The following CLIC5 variants were observed in gnomAD, a reference collection of about 807,000 sequenced individuals.
CLIC5 encodes chloride intracellular channel protein 5.
CLIC5 carries 20 observed loss-of-function variants against 24.7 expected under a neutral mutation model. The observed-to-expected ratio is 0.81, with a 90% CI of 0.57 to 1.18. CLIC5 has a LOEUF of 1.18. Among genes scored for constraint, CLIC5 ranks in the 50% most tolerant of loss-of-function variants. The pLI is 0.00. For synonymous variants in CLIC5, 159 were observed against 135.6 expected (o/e 1.17, Z -1.20); for missense variants, 341 against 326.1 (o/e 1.05, Z -0.35).
chr6:45,903,063 C>T lies in CLIC5; in HGVS notation c.*25G>A, dbSNP rs375247542. 41 of 1,613,216 alleles carry T rather than the reference C, an allele frequency of 2.5e-5. No individual in the cohort carries two copies. The highest frequency in any genetic ancestry group is 1.8e-4 in the East Asian group (8 of 44,856). ...GGGGAGTGGTTGAGTCCTTCTGCAG[C>T]GGGGATGGGGCAAAATGGCTGTGCT... is the stretch of plus-strand genomic sequence containing the variant. On this transcript the variant is annotated 3_prime_UTR_variant, in exon 6 of 6. Coordinates refer to ENST00000339561, the MANE Select transcript of CLIC5 (RefSeq NM_016929.5).
chr6:45,955,857 A>AC (rs1292699104), intron 1 of CLIC5, among the ~76,000 whole-genome samples: 13 of 152,048 alleles, frequency 8.5e-5, no homozygotes, highest in African/African-American at 2.4e-4. Context: ...AGTTCTGGCT[A>AC]GTACTTGGCC....
In CLIC5 at chr6:45,905,480, C is replaced by CT. The variant is rs36089623; in HGVS notation, c.589-2226dup. Among the ~76,000 whole-genome samples the CT allele has an allele frequency of 3.8e-3, 476 of 125,252 alleles. 4 individuals carry two copies. Among genetic ancestry groups the CT allele is most frequent in the African/African-American group, 0.01 (340 of 33,094 alleles). 82.2% of individuals were successfully genotyped at this position (125,252 alleles called of 152,430 possible). A position where few individuals can be genotyped will look rare whatever the true frequency, so the allele number is the denominator to read the frequency against. ...TTCTCTGGTGACTGGTGATACTGAG[C>CT]TTTTTTTTTTTTTTTTTAATGTTTG... On this transcript the variant is annotated intron_variant, in intron 5 of 5. Coordinates refer to ENST00000339561, the MANE Select transcript of CLIC5 (RefSeq NM_016929.5).
intron 1 of CLIC5, among the ~76,000 whole-genome samples, chr6:46,021,059 T>G (rs1489753064): frequency 7.7e-6 from 1 of 129,120 alleles, no homozygotes; most frequent in East Asian, 2.3e-4. Context: ...AGGACTTGTA[T>G]CCAGGATTTG....
chr6:46,061,482 C>T (rs1233807062), intron 1 of CLIC5, among the ~76,000 whole-genome samples: 2 of 152,200 alleles, frequency 1.3e-5, no homozygotes, highest in Non-Finnish European at 2.9e-5. Context: ...TGAGCCACCA[C>T]GCCCAGCCAA....
chr6:45,962,199 C>T (rs1463064146), intron 1 of CLIC5, among the ~76,000 whole-genome samples: 2 of 148,874 alleles, frequency 1.3e-5, no homozygotes, highest in African/African-American at 4.9e-5. Flanking sequence ...TATATATATA[C>T]ACATATATAT....
At chr6:46,070,393 A>G (rs1762561005) in intron 1 of CLIC5, among the ~76,000 whole-genome samples, 1 of 152,206 alleles carries the variant, frequency 6.6e-6, no homozygotes, top group Non-Finnish European at 1.5e-5. Flanking sequence ...TATAAAATCA[A>G]TGTACAAAAA....
At chr6:45,890,451 T>C (rs990067440) in intron 6 of CLIC5, among the ~76,000 whole-genome samples, 2 of 152,218 alleles carry the variant, frequency 1.3e-5, no homozygotes, top group African/African-American at 2.4e-5. Flanking sequence ...GGAACTCTTA[T>C]ACACTGTTGG....
chr6:46,122,480 A>G, the CLIC5 span, among the ~76,000 whole-genome samples: 1 of 152,250 alleles, frequency 6.6e-6, no homozygotes, highest in Non-Finnish European at 1.5e-5. Flanking sequence ...AGAAAGCAGG[A>G]AAGACATAAA....
At chr6:46,085,738 C>A in the CLIC5 span, among the ~76,000 whole-genome samples, 6 of 152,340 alleles carry the variant, frequency 3.9e-5, no homozygotes, top group East Asian at 1.2e-3. Flanking sequence ...TCTGCCCGTT[C>A]TCAGATCTCC....
At chr6:45,989,156 C>A (rs1408386216) in intron 1 of CLIC5, among the ~76,000 whole-genome samples, 1 of 152,178 alleles carries the variant, frequency 6.6e-6, no homozygotes, top group Non-Finnish European at 1.5e-5. Context: ...GAGGAAGAGA[C>A]ACACAACAGG....
chr6:46,081,868 A>G (rs1209013037), upstream of CLIC5, among the ~76,000 whole-genome samples: 2 of 152,002 alleles, frequency 1.3e-5, no homozygotes, highest in Non-Finnish European at 2.9e-5. Context: ...CTCTTCCTTA[A>G]CTCAGTATTT....
intron 1 of CLIC5, among the ~76,000 whole-genome samples, chr6:46,013,842 T>TC (rs1766892996): frequency 6.6e-6 from 1 of 152,194 alleles, no homozygotes; most frequent in South Asian, 2.1e-4. Context: ...AGTCCTAGAA[T>TC]CGCTTTCTTC....
the CLIC5 span, among the ~76,000 whole-genome samples, chr6:46,102,056 G>A: frequency 4.6e-5 from 7 of 152,062 alleles, no homozygotes; most frequent in Non-Finnish European, 7.4e-5. Context: ...TTAATTTCAC[G>A]GGCCAGGGCC....
At chr6:45,909,665 C>G (rs1009732453) in intron 5 of CLIC5, among the ~76,000 whole-genome samples, 1 of 152,184 alleles carries the variant, frequency 6.6e-6, no homozygotes, top group African/African-American at 2.4e-5. Flanking sequence ...GATGGGGTTC[C>G]ATTTGTATGT....
intron 1 of CLIC5, among the ~76,000 whole-genome samples, chr6:45,972,458 T>A (rs943230728): frequency 1.3e-5 from 2 of 152,180 alleles, no homozygotes; most frequent in African/African-American, 4.8e-5. Context: ...TGTAAGTTTA[T>A]CTCTCAATCA....
chr6:45,960,016 C>T (rs1163680951), intron 1 of CLIC5, among the ~76,000 whole-genome samples: 1 of 151,974 alleles, frequency 6.6e-6, no homozygotes, highest in African/African-American at 2.4e-5. Flanking sequence ...CCACGAAATA[C>T]CAATCCCAGA....
At chr6:45,915,119 G>A (rs943396608) in intron 4 of CLIC5, among the ~76,000 whole-genome samples, 23 of 145,128 alleles carry the variant, frequency 1.6e-4, no homozygotes, top group African/African-American at 4.3e-4. Flanking sequence ...TAGTAGAGAC[G>A]GAGTTTCACC....
chr6:46,080,825 A>C (rs368059533), upstream of CLIC5, among the ~76,000 whole-genome samples: 21 of 152,222 alleles, frequency 1.4e-4, no homozygotes, highest in African/African-American at 5.1e-4. Context: ...TCTTATCTGG[A>C]AACACCACTA....
chr6:45,981,386 C>T (rs1233551071), intron 1 of CLIC5, among the ~76,000 whole-genome samples: 2 of 151,820 alleles, frequency 1.3e-5, no homozygotes, highest in African/African-American at 4.8e-5. Context: ...AAATAAGGAG[C>T]CAGAAGTAAG....
Sources: gnomAD v4.1 joint callset for allele counts (sites outside exome capture counted in the v4.1 genomes callset) on GRCh38, gnomAD v4.1.1 for gene constraint, MANE v1.5 for transcripts, NCBI Gene and HGNC (gene_info 2026-07-23, HGNC 2026-07-21) for gene names.